Variants in LOXL2 observed in about 807,000 individuals in gnomAD.
LOXL2 encodes the protein lysyl oxidase like 2, also known as lysyl oxidase homolog 2.
LOXL2 carries 70 observed loss-of-function variants against 93.0 expected under a neutral mutation model. The ratio of observed to expected loss-of-function variants is 0.75; its 90% CI spans 0.62 to 0.92. LOXL2 has a LOEUF of 0.92. Ranked by LOEUF, LOXL2 falls within the 40% of genes least tolerant of loss-of-function variation. The probability of loss-of-function intolerance (pLI) is 0.00; values close to 1 mark genes in which losing one functional copy is unlikely to be tolerated. For synonymous variants in LOXL2, 438 were observed against 413.2 expected (o/e 1.06, Z -0.73); for missense variants, 973 against 1,054.9 (o/e 0.92, Z 1.08).
chr8:23,332,609 T>G (rs1196845948), intron 5 of LOXL2, among the ~76,000 whole-genome samples: 13 of 69,750 alleles, frequency 1.9e-4, no homozygotes, highest in African/African-American at 7.8e-4. Flanking sequence ...CTCACAATCA[T>G]ACACACCCAA....
At chr8:23,334,192 C>G (rs1479263177) in intron 4 of LOXL2, among the ~76,000 whole-genome samples, 2 of 152,194 alleles carry the variant, frequency 1.3e-5, no homozygotes, top group African/African-American at 4.8e-5. Flanking sequence ...GTACCTGCCA[C>G]CACGCCCAGC....
At chr8:23,304,437 G>A (rs776490586) in intron 10 of LOXL2, among the ~76,000 whole-genome samples, 38 of 152,320 alleles carry the variant, frequency 2.5e-4, no homozygotes, top group Non-Finnish European at 4.9e-4. Flanking sequence ...AACCTGCAAC[G>A]AGCATGTCAC....
chr8:23,312,020 A>G (rs1055880171), intron 9 of LOXL2, among the ~76,000 whole-genome samples: 9 of 152,222 alleles, frequency 5.9e-5, no homozygotes, highest in African/African-American at 2.2e-4. Context: ...TACTACAAAC[A>G]CCTCTACACA....
At chr8:23,298,280 G>A (rs1803072245) in intron 13 of LOXL2, among the ~76,000 whole-genome samples, 158 bp from the exon 14 acceptor site, 2 of 152,208 alleles carry the variant, frequency 1.3e-5, no homozygotes, top group African/African-American at 4.8e-5. Flanking sequence ...TCTAGGGCTG[G>A]GCACATAGCA....
intron 3 of LOXL2, among the ~76,000 whole-genome samples, chr8:23,344,810 G>A (rs1242609867): frequency 4.6e-5 from 7 of 152,130 alleles, no homozygotes; most frequent in African/African-American, 4.8e-5. Flanking sequence ...GACACCATTC[G>A]CACTCATTCC....
At chr8:23,318,435 A>G (rs1803439103) in intron 8 of LOXL2, among the ~76,000 whole-genome samples, 1 of 140,022 alleles carries the variant, frequency 7.1e-6, no homozygotes, top group Non-Finnish European at 1.5e-5. Context: ...GCACACACAC[A>G]CACACACACA....
Position 23,309,779 on chromosome 8 carries a change from G to A in LOXL2, c.1769C>T (p.Thr590Ile). ...LSASAAQTDPTTGYRRLLRFS... is the reference protein window; with the variant it reads ...LSASAAQTDPITGYRRLLRFS... ...GCGCAGGAGCCGGCGGTAGCCCGTG[G>A]TGGGGTCGGTCTGCGCGGCTGAGGC... is the stretch of plus-strand genomic sequence containing the variant. Residue 590 changes from threonine (T) to isoleucine (I), a missense_variant, in exon 10 of 14, where the codon ACC (threonine) becomes ATC (isoleucine). Thr to Ile is a moderately conservative substitution (Grantham distance 89). Transcript: ENST00000389131. The A allele has an allele frequency of 1.2e-6, 2 of 1,604,490 alleles. No individual in the cohort carries two copies. Among genetic ancestry groups the A allele is most frequent in the Non-Finnish European group, 1.7e-6 (2 of 1,175,898 alleles).
At chr8:23,360,358 T>A in intron 2 of LOXL2, 93 bp from the exon 3 acceptor site, 1 of 951,600 alleles carries the variant, frequency 1.1e-6, no homozygotes, top group Non-Finnish European at 1.5e-6. Context: ...AAAGAGAATT[T>A]TTCTCTAATT....
chr8:23,315,827 T>C (rs1803385950), intron 9 of LOXL2, among the ~76,000 whole-genome samples: 1 of 152,266 alleles, frequency 6.6e-6, no homozygotes, highest in South Asian at 2.1e-4. Flanking sequence ...TATTTTATGC[T>C]ATCTTGAATT....
rs550637848 is a variant in LOXL2, at chr8:23,371,289, A to G, written c.-83-2855T>C. ...AGAATACCCACAAGACGGAAATACTACAGGGAATTCTTCAGGCAAAAGGAA... is the reference window on the plus strand; with the variant it reads ...AGAATACCCACAAGACGGAAATACTGCAGGGAATTCTTCAGGCAAAAGGAA... On this transcript the variant is annotated intron_variant, in intron 1 of 13. Coordinates refer to ENST00000389131, the MANE Select transcript of LOXL2 (RefSeq NM_002318.3). Among the ~76,000 whole-genome samples the G allele has an allele frequency of 2.4e-4, 37 of 152,328 alleles. No homozygotes were observed. In the South Asian group the frequency reaches 6.8e-3, roughly 28 times the overall value.
At chr8:23,307,422 T>C (rs1473040692) in intron 10 of LOXL2, among the ~76,000 whole-genome samples, 1 of 151,956 alleles carries the variant, frequency 6.6e-6, no homozygotes, top group Non-Finnish European at 1.5e-5. Flanking sequence ...AGAACATCTG[T>C]AAACAAAGAA....
intron 1 of LOXL2, among the ~76,000 whole-genome samples, chr8:23,379,526 C>A (rs1347175728): frequency 6.6e-6 from 1 of 152,210 alleles, no homozygotes; most frequent in Non-Finnish European, 1.5e-5. Flanking sequence ...CATGCCCTGC[C>A]CCCAGAGGTG....
Position 23,367,861 on chromosome 8 carries a change from C to G in LOXL2, c.355+136G>C, listed in dbSNP as rs185254934. 8.8e-4 allele frequency: 638 copies of G among 726,848 alleles called. 1 individual carries two copies. The highest frequency in any genetic ancestry group is 1.6e-3 in the Middle Eastern group (4 of 2,482). The allele number at this position is 726,848 out of a possible 1,614,324, so 45.0% of individuals were successfully genotyped here. ...CAGCCTGAGTGGGCACAGAAGGATG[C>G]CAGTCCCTGGATGGGCATCACCAAG... On this transcript the variant is annotated intron_variant, in intron 2 of 13. Coordinates refer to ENST00000389131, the MANE Select transcript of LOXL2 (RefSeq NM_002318.3).
intron 1 of LOXL2, among the ~76,000 whole-genome samples, chr8:23,403,554 G>C (rs1171208554): frequency 4.6e-5 from 7 of 151,990 alleles, no homozygotes; most frequent in Non-Finnish European, 1.0e-4. Context: ...CGTCCCCCGC[G>C]TGCCCCACTC....
intron 1 of LOXL2, among the ~76,000 whole-genome samples, chr8:23,373,269 A>G (rs1804528051): frequency 6.6e-6 from 1 of 152,164 alleles, no homozygotes; most frequent in Non-Finnish European, 1.5e-5. Context: ...CAAGGTATCA[A>G]TGATTGTTCA....
chr8:23,310,296 A>G (rs1303626213), intron 9 of LOXL2, among the ~76,000 whole-genome samples: 1 of 152,244 alleles, frequency 6.6e-6, no homozygotes, highest in Non-Finnish European at 1.5e-5. Flanking sequence ...TTTCCATAAT[A>G]AAATGCAAAA....
intron 12 of LOXL2, among the ~76,000 whole-genome samples, chr8:23,300,457 G>T (rs577350234): frequency 2.0e-5 from 3 of 152,086 alleles, no homozygotes; most frequent in Admixed American, 6.5e-5. Flanking sequence ...CTTCCTCCTC[G>T]CCCAGCTCCC....
At chr8:23,387,516 C>T (rs139664701) in intron 1 of LOXL2, among the ~76,000 whole-genome samples, 3 of 152,222 alleles carry the variant, frequency 2.0e-5, no homozygotes, top group African/African-American at 4.8e-5. Context: ...TGACCATAAA[C>T]GGCATGGACT....
Position 23,328,461 on chromosome 8 carries a change from C to T in LOXL2, c.1071G>A (p.Leu357=), listed in dbSNP as rs1803621426. 5 of 1,614,122 alleles carry T rather than the reference C, an allele frequency of 3.1e-6. No individual in the cohort carries two copies. Among genetic ancestry groups the T allele is most frequent in the Non-Finnish European group, 4.2e-6 (5 of 1,180,026 alleles). The part of the protein sequence containing the change: ...WGTVCDDKWD[L]VSASVVCREL... ...CTCTGCAGACCACACTGGCCGACAC[C>T]AGGTCCCACTTGTCGTCGCAGACGG... The change falls in exon 6 of 14, where the codon CTG becomes CTA. Residue 357 remains leucine, a synonymous_variant. Coordinates refer to ENST00000389131, the MANE Select transcript of LOXL2 (RefSeq NM_002318.3).
Sources: allele counts gnomAD v4.1 joint callset (sites outside exome capture counted in the v4.1 genomes callset), GRCh38; gene constraint gnomAD v4.1.1; transcripts MANE v1.5; gene names NCBI Gene and HGNC (gene_info 2026-07-23, HGNC 2026-07-21).